Variants in GPC5 observed in about 807,000 individuals in gnomAD.
GPC5 encodes glypican-5.
A neutral mutation model predicts 53.9 loss-of-function variants in GPC5; 47 were observed. That is an observed-to-expected ratio of 0.87 (90% CI 0.69 to 1.11). The LOEUF (loss-of-function observed/expected upper bound fraction) is 1.11. GPC5 is among the 50% of genes most tolerant of loss of function. The pLI is 0.00. For missense variants in GPC5, 748 were observed against 713.1 expected, an observed-to-expected ratio of 1.05 and a Z score of -0.56; for synonymous variants, 286 against 263.3, an observed-to-expected ratio of 1.09 and a Z score of -0.84.
chr13:91,978,890 G>C (rs1197075797), intron 6 of GPC5, among the ~76,000 whole-genome samples: 1 of 152,116 alleles, frequency 6.6e-6, no homozygotes, highest in Non-Finnish European at 1.5e-5. Context: ...GAAATGAAGA[G>C]GACTTGGAAG....
intron 7 of GPC5, among the ~76,000 whole-genome samples, chr13:92,193,761 T>G (rs1401372540): frequency 6.6e-6 from 1 of 152,212 alleles, no homozygotes; most frequent in Non-Finnish European, 1.5e-5. Context: ...TTTCTGATAC[T>G]TCCTTAATTA....
At chr13:92,336,954 A>G (rs1160591972) in intron 7 of GPC5, among the ~76,000 whole-genome samples, 1 of 152,090 alleles carries the variant, frequency 6.6e-6, no homozygotes, top group Non-Finnish European at 1.5e-5. Flanking sequence ...GCCTTTTATA[A>G]AACCAACGGA....
intron 6 of GPC5, among the ~76,000 whole-genome samples, chr13:91,972,873 T>G (rs984373179): frequency 3.3e-5 from 5 of 152,128 alleles, no homozygotes; most frequent in Non-Finnish European, 5.9e-5. Context: ...TGGGTAACCC[T>G]ACCTTTCTCT....
chr13:91,959,691 T>A (rs894055917), intron 6 of GPC5, among the ~76,000 whole-genome samples: 4 of 151,642 alleles, frequency 2.6e-5, no homozygotes, highest in African/African-American at 9.7e-5. Context: ...AAGGATAATA[T>A]ACCGTGATTT....
intron 5 of GPC5, among the ~76,000 whole-genome samples, chr13:91,872,417 C>T: frequency 6.6e-6 from 1 of 152,080 alleles, no homozygotes; most frequent in East Asian, 1.9e-4. Flanking sequence ...GAGAAGTAAG[C>T]ATTCTTTTTC....
At chr13:91,766,591 G>A (rs920233160) in intron 5 of GPC5, among the ~76,000 whole-genome samples, 20 of 152,134 alleles carry the variant, frequency 1.3e-4, no homozygotes, top group Admixed American at 3.3e-4. Context: ...GGCCGGGCGC[G>A]GTGGCTCATG....
chr13:92,181,895 A>G lies in GPC5; in HGVS notation c.1561+36906A>G, dbSNP rs1010447150. On this transcript the variant is annotated intron_variant, in intron 7 of 7. Coordinates refer to ENST00000377067, the MANE Select transcript of GPC5 (RefSeq NM_004466.6). ...ATGCAATTGTAATAAGAACTTGAACAGAAGATTTAAAGGATAGATAATAAG... is the reference window on the plus strand; with the variant it reads ...ATGCAATTGTAATAAGAACTTGAACGGAAGATTTAAAGGATAGATAATAAG... Among the ~76,000 whole-genome samples, 3 of 152,352 alleles carry G rather than the reference A, an allele frequency of 2.0e-5. No homozygotes were observed. In the East Asian group the frequency reaches 5.8e-4, roughly 29 times the overall value.
intron 6 of GPC5, among the ~76,000 whole-genome samples, chr13:91,992,400 C>A (rs1234635740): frequency 3.3e-5 from 5 of 151,530 alleles, no homozygotes; most frequent in Non-Finnish European, 5.9e-5. Context: ...AGAGCTAATC[C>A]ATTTATTATG....
chr13:92,088,064 C>A (rs1211272753), intron 6 of GPC5, among the ~76,000 whole-genome samples: 4 of 152,060 alleles, frequency 2.6e-5, no homozygotes, highest in African/African-American at 7.2e-5. Flanking sequence ...GCCACCACAG[C>A]CGGGCCCCAA....
At chr13:91,947,082 C>A (rs1261403160) in intron 6 of GPC5, among the ~76,000 whole-genome samples, 1 of 152,106 alleles carries the variant, frequency 6.6e-6, no homozygotes, top group Admixed American at 6.5e-5. Context: ...AACCATTGCA[C>A]ACAGAAGAAC....
intron 2 of GPC5, among the ~76,000 whole-genome samples, chr13:91,496,573 T>A (rs1884277413): frequency 6.6e-6 from 1 of 152,058 alleles, no homozygotes; most frequent in African/African-American, 2.4e-5. Flanking sequence ...GAGCAAAAAA[T>A]TAAAACAATT....
intron 7 of GPC5, among the ~76,000 whole-genome samples, chr13:92,191,864 T>C (rs1441065533): frequency 6.6e-6 from 1 of 152,196 alleles, no homozygotes; most frequent in Non-Finnish European, 1.5e-5. Flanking sequence ...TGAAAGTGTA[T>C]TTTTGACTCA....
At chr13:92,149,014 A>C (rs926052791) in intron 7 of GPC5, among the ~76,000 whole-genome samples, 6 of 152,124 alleles carry the variant, frequency 3.9e-5, no homozygotes, top group African/African-American at 1.4e-4. Context: ...AAAAGTAAGT[A>C]ATACATAATC....
At chr13:91,936,725 TC>T (rs751038547) in intron 6 of GPC5, among the ~76,000 whole-genome samples, 11 of 139,908 alleles carry the variant, frequency 7.9e-5, no homozygotes, top group Non-Finnish European at 1.4e-4. Flanking sequence ...TGAAATTGGC[TC>T]AGGTTTCTAA....
chr13:91,509,126 G>C (rs1241382032), intron 2 of GPC5, among the ~76,000 whole-genome samples: 1 of 152,128 alleles, frequency 6.6e-6, no homozygotes, highest in Non-Finnish European at 1.5e-5. Context: ...AGCAGGAGTA[G>C]CATAAGGCTA....
At chr13:91,817,626 T>G (rs1238200167) in intron 5 of GPC5, among the ~76,000 whole-genome samples, 2 of 152,092 alleles carry the variant, frequency 1.3e-5, no homozygotes, top group East Asian at 3.9e-4. Context: ...AACTGATGGG[T>G]TCTATAATAA....
intron 2 of GPC5, among the ~76,000 whole-genome samples, chr13:91,585,114 A>C (rs1024062413): frequency 7.2e-5 from 11 of 152,228 alleles, no homozygotes; most frequent in African/African-American, 2.7e-4. Flanking sequence ...CTCAATTAGT[A>C]TCAGAGAAAT....
At chr13:92,226,960 C>T (rs1333960766) in intron 7 of GPC5, among the ~76,000 whole-genome samples, 2 of 152,094 alleles carry the variant, frequency 1.3e-5, no homozygotes, top group African/African-American at 4.8e-5. Context: ...CCCAGAAAGT[C>T]CCTGAACTGG....
At chr13:92,741,668 T>G (rs1295282323) in intron 7 of GPC5, among the ~76,000 whole-genome samples, 2 of 152,114 alleles carry the variant, frequency 1.3e-5, no homozygotes, top group African/African-American at 4.8e-5. Context: ...ACATGTGCCA[T>G]GTTGCTGTGC....
Sources: gnomAD v4.1 joint callset for allele counts (sites outside exome capture counted in the v4.1 genomes callset) on GRCh38, gnomAD v4.1.1 for gene constraint, MANE v1.5 for transcripts, NCBI Gene and HGNC (gene_info 2026-07-23, HGNC 2026-07-21) for gene names.